The following PCCA variants were observed in gnomAD, a reference collection of about 807,000 sequenced individuals.
PCCA encodes propionyl-CoA carboxylase alpha chain, mitochondrial.
Under a neutral mutation model 101.3 loss-of-function variants are expected in PCCA, and 74 were observed. The observed-to-expected ratio is 0.73, with a 90% CI of 0.61 to 0.89. PCCA has a LOEUF of 0.89. Among genes scored for constraint, PCCA ranks in the 40% least tolerant of loss-of-function variants. PCCA has a pLI of 0.00. For missense variants in PCCA, 891 were observed against 907.0 expected, an observed-to-expected ratio of 0.98 and a Z score of 0.23; for synonymous variants, 294 against 313.6, an observed-to-expected ratio of 0.94 and a Z score of 0.66.
chr13:100,386,084 T>C (rs548818528), intron 19 of PCCA, among the ~76,000 whole-genome samples: 36 of 152,328 alleles, frequency 2.4e-4, no homozygotes, highest in Admixed American at 2.2e-3. Flanking sequence ...AGCAGAAGAC[T>C]GGAAAGAACT....
At chr13:100,429,682 C>T (rs963841419) in intron 20 of PCCA, among the ~76,000 whole-genome samples, 2 of 152,100 alleles carry the variant, frequency 1.3e-5, no homozygotes, top group African/African-American at 4.8e-5. Context: ...TCTTGGCTCA[C>T]TGCAACCTCT....
intron 16 of PCCA, among the ~76,000 whole-genome samples, chr13:100,311,406 G>A (rs1180330220): frequency 6.6e-6 from 1 of 152,034 alleles, no homozygotes; most frequent in Non-Finnish European, 1.5e-5. Flanking sequence ...CACCACACTG[G>A]CTTATGTTGT....
chr13:100,302,628 G>A (rs1036424815), intron 13 of PCCA, among the ~76,000 whole-genome samples: 2 of 151,928 alleles, frequency 1.3e-5, no homozygotes, highest in African/African-American at 4.8e-5. Context: ...TAGGGCCTAG[G>A]TTATTTTATT....
chr13:100,384,062 G>A (rs2076371134), intron 19 of PCCA, among the ~76,000 whole-genome samples: 1 of 146,192 alleles, frequency 6.8e-6, no homozygotes. Flanking sequence ...AGCTCACTCT[G>A]TTGCCCAGGC....
intron 8 of PCCA, among the ~76,000 whole-genome samples, chr13:100,240,607 T>G (rs2061067424): frequency 6.6e-6 from 1 of 152,122 alleles, no homozygotes; most frequent in Admixed American, 6.6e-5. Flanking sequence ...TAAACTTTTC[T>G]CCAAGTATTT....
chr13:100,199,723 A>G (rs1447238447), intron 6 of PCCA, among the ~76,000 whole-genome samples: 1 of 152,036 alleles, frequency 6.6e-6, no homozygotes. Flanking sequence ...TAATGCTAAC[A>G]TTTTTTTCAT....
intron 21 of PCCA, among the ~76,000 whole-genome samples, chr13:100,514,253 C>T (rs766739215): frequency 2.6e-5 from 4 of 152,150 alleles, no homozygotes; most frequent in African/African-American, 4.8e-5. Flanking sequence ...GTCACAGTGT[C>T]GCAAATCCAC....
At chr13:100,274,465 A>G (rs1434679374) in intron 12 of PCCA, among the ~76,000 whole-genome samples, 1 of 152,202 alleles carries the variant, frequency 6.6e-6, no homozygotes, top group Non-Finnish European at 1.5e-5. Context: ...CATTAACTAT[A>G]GCTTAACACA....
intron 7 of PCCA, among the ~76,000 whole-genome samples, chr13:100,228,107 C>T (rs1411322293): frequency 6.6e-6 from 1 of 152,092 alleles, no homozygotes; most frequent in African/African-American, 2.4e-5. Context: ...CTTCTGCCTC[C>T]CGGGTTCAAT....
chr13:100,141,050 T>C (rs1186325955), intron 4 of PCCA, among the ~76,000 whole-genome samples: 2 of 152,228 alleles, frequency 1.3e-5, no homozygotes, highest in African/African-American at 2.4e-5. Flanking sequence ...CTGCTATTAA[T>C]GATGCAGTAT....
chr13:100,285,830 G>A (rs1428525089), intron 12 of PCCA, among the ~76,000 whole-genome samples: 2 of 152,120 alleles, frequency 1.3e-5, no homozygotes, highest in Non-Finnish European at 2.9e-5. Context: ...ATATACTGAT[G>A]GAAGTTCATT....
chr13:100,515,174 G>T (rs1037340084), intron 21 of PCCA, among the ~76,000 whole-genome samples: 2 of 152,186 alleles, frequency 1.3e-5, no homozygotes, highest in African/African-American at 4.8e-5. Context: ...TTTTCTTAAA[G>T]ATACAGGATG....
intron 1 of PCCA, among the ~76,000 whole-genome samples, chr13:100,092,409 G>A (rs2046363866): frequency 6.6e-6 from 1 of 151,284 alleles, no homozygotes; most frequent in African/African-American, 2.4e-5. Context: ...TTGAGATGGG[G>A]TCTGGCTCTG....
chr13:100,241,702 T>C (rs1399829477), intron 8 of PCCA, among the ~76,000 whole-genome samples: 1 of 152,156 alleles, frequency 6.6e-6, no homozygotes, highest in Non-Finnish European at 1.5e-5. Context: ...TGGGCTCAAG[T>C]GATCCACCCA....
rs142406278 is a variant in PCCA, at chr13:100,473,654, G to A, written c.1899+24349G>A. ...TTCGTAAACCTCAGTTTTCTTTGTT[G>A]TAAAATGAAAGGTCGGGGTCGGTGA... On this transcript the variant is annotated intron_variant, in intron 21 of 23. Coordinates refer to ENST00000376285, the MANE Select transcript of PCCA (RefSeq NM_000282.4). Among the ~76,000 whole-genome samples, 309 of 152,256 alleles carry A rather than the reference G, an allele frequency of 2.0e-3. 1 individual carries two copies. The highest frequency in any genetic ancestry group is 3.9e-3 in the Non-Finnish European group (262 of 68,018).
intron 19 of PCCA, among the ~76,000 whole-genome samples, chr13:100,383,538 A>G (rs573531830): frequency 2.0e-5 from 3 of 151,740 alleles, no homozygotes; most frequent in African/African-American, 7.2e-5. Flanking sequence ...TGAGCCTGGG[A>G]GATTGAGGCT....
At chr13:100,296,545 C>A (rs1411211411) in intron 12 of PCCA, among the ~76,000 whole-genome samples, 4 of 152,004 alleles carry the variant, frequency 2.6e-5, no homozygotes, top group African/African-American at 9.7e-5. Context: ...AGCCACCGTA[C>A]CCTGACGTAT....
At chr13:100,392,923 A>G (rs1412737304) in intron 19 of PCCA, among the ~76,000 whole-genome samples, 3 of 152,138 alleles carry the variant, frequency 2.0e-5, no homozygotes, top group African/African-American at 7.2e-5. Context: ...TGACTCACCC[A>G]GGGAAGGTCA....
At chr13:100,388,218 C>T (rs1163780603) in intron 19 of PCCA, among the ~76,000 whole-genome samples, 1 of 152,218 alleles carries the variant, frequency 6.6e-6, no homozygotes, top group Admixed American at 6.5e-5. Flanking sequence ...CCTATAAGCC[C>T]AACAGTTTAA....
Sources: allele counts gnomAD v4.1 joint callset (sites outside exome capture counted in the v4.1 genomes callset), GRCh38; gene constraint gnomAD v4.1.1; transcripts MANE v1.5; gene names NCBI Gene and HGNC (gene_info 2026-07-23, HGNC 2026-07-21).